NCALD: variants seen among roughly 807,000 people sequenced by gnomAD.
The protein encoded by NCALD is neurocalcin-delta.
A neutral mutation model predicts 18.6 loss-of-function variants in NCALD; 10 were observed. That is an observed-to-expected ratio of 0.54 (90% confidence interval 0.33 to 0.91). The LOEUF (loss-of-function observed/expected upper bound fraction) is 0.91, where lower values mean the gene tolerates loss of function less well. NCALD is among the 40% of genes least tolerant of loss of function. The pLI, the probability that NCALD is intolerant of heterozygous loss-of-function variation, is 0.03. For missense variants in NCALD, 184 were observed against 247.6 expected (o/e 0.74, Z 1.72); for synonymous variants, 88 against 87.4 (o/e 1.01, Z -0.04).
intron 4 of NCALD, among the ~76,000 whole-genome samples, chr8:101,806,887 A>G (rs1354037983): frequency 6.9e-6 from 1 of 145,754 alleles, no homozygotes; most frequent in African/African-American, 2.7e-5. Context: ...GACAAAGACA[A>G]AAAAAAAAAA....
In NCALD at chr8:101,690,630, G is replaced by A. The variant is rs115722686; in HGVS notation, c.485-1224C>T. The A allele has an allele frequency of 1.5e-3, 1,518 of 985,362 alleles. 24 individuals are homozygous for A. In the African/African-American group the frequency reaches 0.021, roughly 14 times the overall value. The allele number at this position is 985,362 out of a possible 1,614,324, so 61.0% of individuals were successfully genotyped here. A position where few individuals can be genotyped will look rare whatever the true frequency, so the allele number is the denominator to read the frequency against. ...TCTCCTCAGCCACAACTCCCTCCCC[G>A]CCAGAACCTAGTTCTTGTTTAATGA... On this transcript the variant is annotated intron_variant, in intron 3 of 3. Coordinates refer to ENST00000220931, the MANE Select transcript of NCALD (RefSeq NM_032041.3).
intron 1 of NCALD, among the ~76,000 whole-genome samples, chr8:102,100,491 TG>T (rs1247375321): frequency 1.1e-4 from 16 of 152,182 alleles, no homozygotes; most frequent in African/African-American, 3.9e-4. Flanking sequence ...GTTTAGGCTT[TG>T]GGGCACCACT....
chr8:101,859,004 A>G (rs2131360568), intron 4 of NCALD, among the ~76,000 whole-genome samples: 2 of 152,310 alleles, frequency 1.3e-5, no homozygotes, highest in Middle Eastern at 6.8e-3. Flanking sequence ...GCAAAGTATC[A>G]TTTCTGGGTA....
At chr8:101,868,525 T>C (rs190295240) in intron 4 of NCALD, among the ~76,000 whole-genome samples, 50 of 152,328 alleles carry the variant, frequency 3.3e-4, no homozygotes, top group African/African-American at 1.2e-3. Context: ...CATTTCTGCC[T>C]GGCAGATGGA....
At chr8:101,815,712 A>G (rs184442901) in intron 4 of NCALD, among the ~76,000 whole-genome samples, 83 of 152,290 alleles carry the variant, frequency 5.5e-4, no homozygotes, top group Middle Eastern at 6.8e-3. Flanking sequence ...AAAACAGTAC[A>G]GCCACTTTGG....
intron 2 of NCALD, among the ~76,000 whole-genome samples, chr8:101,965,677 T>C (rs1354663630): frequency 1.3e-5 from 2 of 152,142 alleles, no homozygotes. Flanking sequence ...AATGGGTTGA[T>C]GGGTGCAGCA....
intron 1 of NCALD, among the ~76,000 whole-genome samples, chr8:102,109,437 GA>G (rs1825575570): frequency 6.6e-6 from 1 of 152,062 alleles, no homozygotes; most frequent in African/African-American, 2.4e-5. Flanking sequence ...ATTAAATAAT[GA>G]TTTTTTTGAA....
At chr8:102,088,636 G>A (rs1193690605) in intron 1 of NCALD, among the ~76,000 whole-genome samples, 2 of 149,874 alleles carry the variant, frequency 1.3e-5, no homozygotes, top group Non-Finnish European at 3.0e-5. Context: ...GGAATTAAAA[G>A]TAGATAGATC....
chr8:101,962,135 C>T (rs1464785889), intron 2 of NCALD, among the ~76,000 whole-genome samples: 1 of 152,042 alleles, frequency 6.6e-6, no homozygotes, highest in African/African-American at 2.4e-5. Context: ...CTCAAAAACC[C>T]ATAATAATCT....
intron 3 of NCALD, chr8:101,690,284 C>T: frequency 5.1e-6 from 5 of 985,414 alleles, no homozygotes; most frequent in Non-Finnish European, 6.0e-6. Flanking sequence ...CTTTGTCTAC[C>T]CCGCCCCTGG....
chr8:102,080,282 A>G (rs16869054), intron 1 of NCALD, among the ~76,000 whole-genome samples: 52,784 of 152,088 alleles, frequency 0.35, 10,661 homozygotes, highest in African/African-American at 0.57. Context: ...ACCTCCAACC[A>G]ACCTTTATAG....
intron 3 of NCALD, among the ~76,000 whole-genome samples, chr8:101,894,528 G>A (rs1240726415): frequency 6.9e-6 from 1 of 144,106 alleles, no homozygotes; most frequent in Non-Finnish European, 1.5e-5. Context: ...AGAACTGAAG[G>A]AAATAGAGAC....
intron 1 of NCALD, among the ~76,000 whole-genome samples, chr8:101,739,368 T>C (rs1482868728): frequency 6.6e-6 from 1 of 152,238 alleles, no homozygotes; most frequent in Non-Finnish European, 1.5e-5. Flanking sequence ...CAGTTTTATT[T>C]AGTTTAGTGT....
chr8:101,878,078 C>T (rs774007980), intron 4 of NCALD, among the ~76,000 whole-genome samples: 1 of 152,242 alleles, frequency 6.6e-6, no homozygotes, highest in Non-Finnish European at 1.5e-5. Flanking sequence ...AAATGTTCCA[C>T]GGAAAACTAA....
At chr8:101,898,009 T>C (rs57350304) in intron 3 of NCALD, among the ~76,000 whole-genome samples, 10,305 of 151,710 alleles carry the variant, frequency 0.068, 728 homozygotes, top group African/African-American at 0.18. Flanking sequence ...CTTCCCCCTT[T>C]GCTGAGCACA....
At chr8:101,759,733 A>G (rs918718663) in intron 1 of NCALD, among the ~76,000 whole-genome samples, 1 of 152,224 alleles carries the variant, frequency 6.6e-6, no homozygotes, top group Non-Finnish European at 1.5e-5. Flanking sequence ...CTGAATTTCC[A>G]GGAGCTACAG....
intron 4 of NCALD, among the ~76,000 whole-genome samples, chr8:101,875,119 C>T (rs1300060440): frequency 1.3e-5 from 2 of 152,210 alleles, no homozygotes; most frequent in Admixed American, 1.3e-4. Context: ...CCAACTTGAT[C>T]TCACTTATTC....
Position 101,686,957 on chromosome 8 carries a change from C to G in NCALD, c.*2352G>C, listed in dbSNP as rs1331625540. ...CTGGATTCGACATACAAAGACCTTC[C>G]TGGGAAGGAGAAGGAGAAAAACAAC... On this transcript the variant is annotated 3_prime_UTR_variant, in exon 4 of 4. Coordinates refer to ENST00000220931, the MANE Select transcript of NCALD (RefSeq NM_032041.3). 6.6e-6 allele frequency: 1 copy of G among 152,538 alleles called. No homozygotes were observed. Among genetic ancestry groups the G allele is most frequent in the Non-Finnish European group, 1.5e-5 (1 of 68,162 alleles). The allele number at this position is 152,538 out of a possible 1,614,324, so 9.4% of individuals were successfully genotyped here.
intron 2 of NCALD, among the ~76,000 whole-genome samples, chr8:102,005,770 C>T (rs1343808939): frequency 6.6e-6 from 1 of 151,098 alleles, no homozygotes; most frequent in African/African-American, 2.4e-5. Flanking sequence ...AGCAAACTAT[C>T]GCAAGGACAA....
Sources: allele counts gnomAD v4.1 joint callset (sites outside exome capture counted in the v4.1 genomes callset), GRCh38; gene constraint gnomAD v4.1.1; transcripts MANE v1.5; gene names NCBI Gene and HGNC (gene_info 2026-07-23, HGNC 2026-07-21).